Variants in MGAT4C observed in about 807,000 individuals in gnomAD.
MGAT4C encodes the protein alpha-1,3-mannosyl-glycoprotein 4-beta-N-acetylglucosaminyltransferase C.
A neutral mutation model predicts 40.1 loss-of-function variants in MGAT4C; 19 were observed. That is an observed-to-expected ratio of 0.47 (90% CI 0.33 to 0.70). The LOEUF (loss-of-function observed/expected upper bound fraction) is 0.70. Among genes scored for constraint, MGAT4C ranks in the 30% least tolerant of loss-of-function variants. MGAT4C has a pLI of 0.02. For synonymous variants in MGAT4C, 181 were observed against 187.1 expected (o/e 0.97, Z 0.27); for missense variants, 491 against 563.2 (o/e 0.87, Z 1.30).
At chr12:86,649,513 A>C (rs1963637936) in intron 2 of MGAT4C, among the ~76,000 whole-genome samples, 1 of 151,788 alleles carries the variant, frequency 6.6e-6, no homozygotes, top group South Asian at 2.1e-4. Context: ...AGACACAGAT[A>C]TACGTTCTTT....
Position 86,654,583 on chromosome 12 carries a change from T to G in MGAT4C, c.-229+72626A>C, listed in dbSNP as rs542232434. On this transcript the variant is annotated intron_variant, in intron 2 of 7. Coordinates refer to the MGAT4C transcript ENST00000548651. ...CCTCTTCAAGTTAGTGTGTTTAATA[T>G]CCATTCAACCTGGCCTCTTTATGGA... 4.6e-5 allele frequency among the ~76,000 whole-genome samples: 7 copies of G among 152,114 alleles called. No homozygotes were observed. The South Asian group carries it at 1.5e-3, about 32-fold the overall frequency.
At chr12:86,659,416 G>T (rs1490296404) in intron 2 of MGAT4C, among the ~76,000 whole-genome samples, 1 of 152,026 alleles carries the variant, frequency 6.6e-6, no homozygotes, top group African/African-American at 2.4e-5. Context: ...GGAGGGAAAA[G>T]AAATGAATCA....
chr12:86,653,895 A>G (rs1183277187), intron 2 of MGAT4C, among the ~76,000 whole-genome samples: 1 of 152,010 alleles, frequency 6.6e-6, no homozygotes, highest in African/African-American at 2.4e-5. Context: ...TTCTCATTAC[A>G]AAGTTTTTCT....
intron 4 of MGAT4C, among the ~76,000 whole-genome samples, chr12:86,293,098 T>G (rs1953567239): frequency 6.6e-6 from 1 of 152,196 alleles, no homozygotes; most frequent in Admixed American, 6.5e-5. Flanking sequence ...ATAACAGATA[T>G]GCTGTTTAGC....
At chr12:86,446,574 A>T (rs890472095) in intron 2 of MGAT4C, among the ~76,000 whole-genome samples, 7 of 148,056 alleles carry the variant, frequency 4.7e-5, no homozygotes, top group Admixed American at 1.4e-4. Context: ...TCTTAATATG[A>T]ATACCATGCA....
At chr12:86,613,827 C>G (rs1340079787) in intron 2 of MGAT4C, among the ~76,000 whole-genome samples, 1 of 151,978 alleles carries the variant, frequency 6.6e-6, no homozygotes, top group Non-Finnish European at 1.5e-5. Flanking sequence ...ACAACAAAGA[C>G]AAATCTAAGG....
chr12:86,260,591 G>C (rs1014895449), upstream of MGAT4C, among the ~76,000 whole-genome samples: 1 of 152,176 alleles, frequency 6.6e-6, no homozygotes, highest in Admixed American at 6.5e-5. Flanking sequence ...AGCAGAGTTA[G>C]TTATTATCTG....
At chr12:86,168,338 A>G (rs1253396276) in intron 1 of MGAT4C, among the ~76,000 whole-genome samples, 1 of 152,214 alleles carries the variant, frequency 6.6e-6, no homozygotes, top group African/African-American at 2.4e-5. Flanking sequence ...GTAATGAAAC[A>G]AATCAAGACA....
intron 1 of MGAT4C, among the ~76,000 whole-genome samples, chr12:86,058,787 A>C (rs1893648267): frequency 6.6e-6 from 1 of 152,132 alleles, no homozygotes; most frequent in African/African-American, 2.4e-5. Flanking sequence ...ACATGCTTGA[A>C]CATCTAATTT....
chr12:86,445,741 ATGAG>A lies in MGAT4C; in HGVS notation c.-228-10480_-228-10477del, dbSNP rs373413020. On this transcript the variant is annotated intron_variant, in intron 2 of 7. Transcript: ENST00000548651. ...GCAAACTTTTGCTATACGTGACAACATGAGTGAGTCTCAAACCTAATGTTGAGAA... is the reference window on the plus strand; with the variant it reads ...GCAAACTTTTGCTATACGTGACAACATGAGTCTCAAACCTAATGTTGAGAA... 2.5e-4 allele frequency among the ~76,000 whole-genome samples: 38 copies of A among 152,324 alleles called. 1 individual carries two copies. The South Asian group carries it at 6.8e-3, about 27-fold the overall frequency.
chr12:86,272,036 G>A (rs1002691282), intron 4 of MGAT4C, among the ~76,000 whole-genome samples: 9 of 150,032 alleles, frequency 6.0e-5, no homozygotes, highest in Non-Finnish European at 1.3e-4. Flanking sequence ...ACTGGTTAAA[G>A]GGTATAAACA....
chr12:85,974,396 C>G lies in MGAT4C; in HGVS notation c.*4893G>C, dbSNP rs1331400766. ...ATGCAAATGGTGCATATCCTTCTGT[C>G]TTTCTCTCATACACACAGACACACT... On this transcript the variant is annotated 3_prime_UTR_variant, in exon 5 of 5. Coordinates refer to ENST00000611864, the MANE Select transcript of MGAT4C (RefSeq NM_001351288.2). 6.6e-6 allele frequency: 1 copy of G among 150,528 alleles called. No individual in the cohort carries two copies. Among genetic ancestry groups the G allele is most frequent in the Non-Finnish European group, 1.5e-5 (1 of 66,920 alleles). 9.3% of individuals were successfully genotyped at this position (150,528 alleles called of 1,614,324 possible).
intron 1 of MGAT4C, among the ~76,000 whole-genome samples, chr12:86,067,112 A>G (rs1178882526): frequency 6.6e-6 from 1 of 152,186 alleles, no homozygotes; most frequent in East Asian, 1.9e-4. Context: ...TATTTGTGGG[A>G]GTGTAAATTA....
intron 1 of MGAT4C, among the ~76,000 whole-genome samples, chr12:86,811,001 A>AT (rs1952461085): frequency 8.4e-6 from 1 of 119,120 alleles, no homozygotes; most frequent in Non-Finnish European, 1.9e-5. Flanking sequence ...AGAAACTTTG[A>AT]TTTTTGATTT....
chr12:86,346,158 CAGA>C (rs1955027914), intron 3 of MGAT4C, among the ~76,000 whole-genome samples: 1 of 152,134 alleles, frequency 6.6e-6, no homozygotes, highest in South Asian at 2.1e-4. Flanking sequence ...TATGCAGCAT[CAGA>C]AGAAGGCCAC....
intron 1 of MGAT4C, among the ~76,000 whole-genome samples, chr12:86,149,514 A>C (rs1404155304): frequency 6.6e-6 from 1 of 152,240 alleles, no homozygotes; most frequent in Non-Finnish European, 1.5e-5. Flanking sequence ...GACAAATTCC[A>C]AGCATCTCAG....
chr12:86,152,518 T>C (rs1391148533), intron 1 of MGAT4C, among the ~76,000 whole-genome samples: 2 of 152,194 alleles, frequency 1.3e-5, no homozygotes, highest in Non-Finnish European at 2.9e-5. Context: ...TTAATACTAT[T>C]GTACTGGTGA....
At chr12:86,606,393 T>A (rs2136468070) in intron 2 of MGAT4C, among the ~76,000 whole-genome samples, 1 of 152,288 alleles carries the variant, frequency 6.6e-6, no homozygotes, top group African/African-American at 2.4e-5. Context: ...TTATTTTGCT[T>A]TCATATCCTC....
chr12:86,657,006 T>C (rs567057949), intron 2 of MGAT4C, among the ~76,000 whole-genome samples: 188 of 152,070 alleles, frequency 1.2e-3, no homozygotes, highest in Middle Eastern at 3.2e-3. Context: ...ATAAGAACTA[T>C]GTGTGCATTT....
Sources: allele counts gnomAD v4.1 joint callset (sites outside exome capture counted in the v4.1 genomes callset), GRCh38; gene constraint gnomAD v4.1.1; transcripts MANE v1.5; gene names NCBI Gene and HGNC (gene_info 2026-07-23, HGNC 2026-07-21).